The following ARID1B variants were observed in gnomAD, a reference collection of about 807,000 sequenced individuals.
ARID1B encodes the protein AT-rich interactive domain-containing protein 1B.
A neutral mutation model predicts 212.3 loss-of-function variants in ARID1B; 30 were observed. That is an observed-to-expected ratio of 0.14 (90% CI 0.11 to 0.19). ARID1B has a LOEUF of 0.19. ARID1B is among the 10% of genes least tolerant of loss of function. ARID1B has a pLI of 1.00. For synonymous variants in ARID1B, 1,402 were observed against 1,301.7 expected, an observed-to-expected ratio of 1.08 and a Z score of -1.66; for missense variants, 2,891 against 3,204.0, an observed-to-expected ratio of 0.90 and a Z score of 2.36.
intron 4 of ARID1B, among the ~76,000 whole-genome samples, chr6:157,015,963 G>C (rs1779898605): frequency 6.6e-6 from 1 of 152,182 alleles, no homozygotes. Flanking sequence ...TGATACATCT[G>C]TAAGGAGATA....
At chr6:157,027,760 C>T (rs747371041) in intron 4 of ARID1B, among the ~76,000 whole-genome samples, 2 of 152,172 alleles carry the variant, frequency 1.3e-5, no homozygotes, top group Non-Finnish European at 2.9e-5. Flanking sequence ...TTGGGGATGG[C>T]CATAGCCTGT....
At chr6:157,109,181 A>T (rs1018785798) in intron 5 of ARID1B, among the ~76,000 whole-genome samples, 1 of 152,110 alleles carries the variant, frequency 6.6e-6, no homozygotes, top group Non-Finnish European at 1.5e-5. Context: ...TTGTAGAACC[A>T]CAAGAGGGTT....
chr6:157,071,269 AT>A (rs1479176098), intron 4 of ARID1B: 16 of 152,326 alleles, frequency 1.1e-4, no homozygotes, highest in African/African-American at 3.6e-4. Flanking sequence ...GGAAGGTCCC[AT>A]CACACTCTGC....
At chr6:157,052,586 A>G (rs898675961) in intron 4 of ARID1B, among the ~76,000 whole-genome samples, 1 of 152,258 alleles carries the variant, frequency 6.6e-6, no homozygotes, top group East Asian at 1.9e-4. Flanking sequence ...GGCTGCTTAT[A>G]CAGAATATCT....
At chr6:157,114,036 C>G (rs1435855840) in intron 6 of ARID1B, among the ~76,000 whole-genome samples, 1 of 152,106 alleles carries the variant, frequency 6.6e-6, no homozygotes, top group Non-Finnish European at 1.5e-5. Context: ...TTGGTATGTA[C>G]CAGCAGCATA....
chr6:156,887,405 A>G (rs1787599019), intron 2 of ARID1B, among the ~76,000 whole-genome samples: 1 of 152,132 alleles, frequency 6.6e-6, no homozygotes, highest in African/African-American at 2.4e-5. Context: ...CATTGCTATT[A>G]CTTTTCTCCA....
rs190493389 is a variant in ARID1B at position 156,971,985 on chromosome 6, C to T, written c.2247+36409C>T. Among the ~76,000 whole-genome samples the T allele has an allele frequency of 1.6e-3, 243 of 152,288 alleles. 1 individual carries two copies. Among genetic ancestry groups the T allele is most frequent in the African/African-American group, 5.7e-3 (236 of 41,562 alleles). On this transcript the variant is annotated intron_variant, in intron 4 of 19. Transcript: ENST00000636930. ...GCTCGAGCGCCCTAGTGTTTGTACC[C>T]AGAGCCAGGAATCCTGGGGGACATC...
At chr6:157,165,209 A>G (rs1791240359) in intron 8 of ARID1B, among the ~76,000 whole-genome samples, 1 of 152,214 alleles carries the variant, frequency 6.6e-6, no homozygotes, top group Non-Finnish European at 1.5e-5. Context: ...GGATGATCTC[A>G]GATCTGTTCT....
At chr6:157,183,617 T>G (rs1792728674) in intron 12 of ARID1B, among the ~76,000 whole-genome samples, 1 of 152,212 alleles carries the variant, frequency 6.6e-6, no homozygotes. Flanking sequence ...GACTGTGTTG[T>G]CTCCAGCCCT....
intron 8 of ARID1B, among the ~76,000 whole-genome samples, chr6:157,163,695 C>G (rs1351955858): frequency 1.1e-4 from 16 of 152,242 alleles, no homozygotes; most frequent in Admixed American, 1.0e-3. Flanking sequence ...CTACCCCTCA[C>G]TGTGGCCAGC....
intron 4 of ARID1B, among the ~76,000 whole-genome samples, chr6:157,003,744 A>AGTAGCACCATCATAGCTTGCT (rs1554281352): frequency 2.0e-5 from 3 of 152,240 alleles, no homozygotes; most frequent in Admixed American, 2.0e-4. Context: ...GCTGGGGTGC[A>AGTAGCACCATCATAGCTTGCT]GTAGCACCAT....
intron 2 of ARID1B, among the ~76,000 whole-genome samples, chr6:156,875,022 C>G (rs1786431682): frequency 6.6e-6 from 1 of 152,196 alleles, no homozygotes; most frequent in Non-Finnish European, 1.5e-5. Context: ...CTTTAGTTAA[C>G]ATATAGGATC....
intron 3 of ARID1B, among the ~76,000 whole-genome samples, chr6:156,932,982 A>G (rs1300371553): frequency 2.6e-5 from 4 of 152,280 alleles, no homozygotes; most frequent in Admixed American, 1.3e-4. Flanking sequence ...ATTATTTTGA[A>G]CTTTTAAAGC....
intron 2 of ARID1B, 49 bp from the exon 3 acceptor site, chr6:156,901,327 T>C (rs1181764279): frequency 6.2e-6 from 10 of 1,610,082 alleles, no homozygotes; most frequent in Non-Finnish European, 8.5e-6. Context: ...TGATTTCATT[T>C]AATTGCACAT....
At chr6:156,867,985 C>G (rs1441139882) in intron 2 of ARID1B, among the ~76,000 whole-genome samples, 1 of 152,048 alleles carries the variant, frequency 6.6e-6, no homozygotes, top group African/African-American at 2.4e-5. Context: ...CCAAACTGTC[C>G]CAGTGCCTTC....
At chr6:156,935,320 T>C in intron 3 of ARID1B, 146 bp from the exon 4 acceptor site, 1 of 634,920 alleles carries the variant, frequency 1.6e-6, no homozygotes, top group Admixed American at 2.8e-5. Context: ...GCTCAAGCGA[T>C]CTGCCTGCCT....
intron 2 of ARID1B, among the ~76,000 whole-genome samples, chr6:156,896,228 G>A (rs766986592): frequency 1.4e-4 from 21 of 152,096 alleles, no homozygotes; most frequent in African/African-American, 1.9e-4. Flanking sequence ...TTAACAAGGC[G>A]CATGGCCGGG....
intron 2 of ARID1B, among the ~76,000 whole-genome samples, chr6:156,830,772 A>G (rs1783090939): frequency 6.6e-6 from 1 of 152,138 alleles, no homozygotes; most frequent in South Asian, 2.1e-4. Flanking sequence ...AAAAAGAAAT[A>G]AAATAAGTCT....
At chr6:157,158,015 C>T (rs576512779) in intron 8 of ARID1B, among the ~76,000 whole-genome samples, 27 of 152,286 alleles carry the variant, frequency 1.8e-4, no homozygotes, top group African/African-American at 6.3e-4. Context: ...AACAGTAAGA[C>T]CCTGTCTCTT....
Sources: allele counts gnomAD v4.1 joint callset (sites outside exome capture counted in the v4.1 genomes callset), GRCh38; gene constraint gnomAD v4.1.1; transcripts MANE v1.5; gene names NCBI Gene and HGNC (gene_info 2026-07-23, HGNC 2026-07-21).